The following MEIOSIN variants were observed in gnomAD, a reference collection of about 807,000 sequenced individuals.
MEIOSIN encodes meiosis initiator, also known as meiosis initiator protein.
In MEIOSIN, 18 loss-of-function variants were observed where a neutral mutation model predicts 23.4. The observed-to-expected ratio is 0.77, with a 90% confidence interval of 0.53 to 1.14. The LOEUF (loss-of-function observed/expected upper bound fraction) is 1.14. MEIOSIN is among the 50% of genes most tolerant of loss of function. MEIOSIN has a pLI of 0.00. For synonymous variants in MEIOSIN, 187 were observed against 100.6 expected, an observed-to-expected ratio of 1.86 and a Z score of -5.14; for missense variants, 428 against 242.9, an observed-to-expected ratio of 1.76 and a Z score of -5.07.
chr19:45,759,870 C>T (rs569274842), intron 11 of MEIOSIN, among the ~76,000 whole-genome samples: 2 of 152,150 alleles, frequency 1.3e-5, no homozygotes, highest in African/African-American at 4.8e-5. Context: ...GGTGCGATCT[C>T]GGCTCACTGT....
rs1031633943 is a variant in MEIOSIN at position 45,735,539 on chromosome 19, ACT to A, written c.71+95_71+96del. The A allele has an allele frequency of 1.4e-5, 9 of 628,568 alleles. No homozygotes were observed. In the African/African-American group the frequency reaches 1.6e-4, roughly 11 times the overall value. The allele number at this position is 628,568 out of a possible 1,614,324, so 38.9% of individuals were successfully genotyped here. ...TTGCTGAGCATTTACCGTTTGCTAG[ACT>A]CTTTGCCAAACATTTTGTTTGTATG... is the stretch of plus-strand genomic sequence containing the variant. On this transcript the variant is annotated intron_variant, in intron 2 of 14. Transcript: ENST00000457052.
chr19:45,743,078 G>C (rs941933871), intron 3 of MEIOSIN, among the ~76,000 whole-genome samples: 4 of 152,168 alleles, frequency 2.6e-5, no homozygotes, highest in Non-Finnish European at 5.9e-5. Context: ...CCTGAGAGCG[G>C]AGCCCAGGTT....
intron 3 of MEIOSIN, among the ~76,000 whole-genome samples, chr19:45,744,435 T>C (rs1477392186): frequency 6.6e-6 from 1 of 152,162 alleles, no homozygotes; most frequent in Non-Finnish European, 1.5e-5. Context: ...GGTCCAATGC[T>C]TGGTTTGATG....
intron 2 of MEIOSIN, among the ~76,000 whole-genome samples, chr19:45,737,635 A>T (rs904184425): frequency 9.0e-5 from 12 of 132,836 alleles, no homozygotes; most frequent in South Asian, 4.5e-4. Context: ...CCAACTAATT[A>T]AAAAAAAAAA....
intron 7 of MEIOSIN, 41 bp from the exon 8 acceptor site, chr19:45,755,929 G>T (rs1349148539): frequency 1.4e-6 from 1 of 690,342 alleles, no homozygotes; most frequent in Non-Finnish European, 2.6e-6. Context: ...CCTGGAATTT[G>T]GTCCAGTCCC....
chr19:45,755,505 G>T (rs1968807020), intron 7 of MEIOSIN, among the ~76,000 whole-genome samples: 1 of 152,104 alleles, frequency 6.6e-6, no homozygotes, highest in Admixed American at 6.6e-5. Flanking sequence ...CCATGCTGGA[G>T]TGCAGTGGTG....
chr19:45,747,351 T>TG (rs1438877903), intron 4 of MEIOSIN, among the ~76,000 whole-genome samples: 1 of 152,138 alleles, frequency 6.6e-6, no homozygotes, highest in African/African-American at 2.4e-5. Flanking sequence ...AGACTTGGGG[T>TG]GCAGCTTTGA....
chr19:45,749,326 G>A (rs2146186593), intron 4 of MEIOSIN, among the ~76,000 whole-genome samples: 1 of 145,210 alleles, frequency 6.9e-6, no homozygotes, highest in East Asian at 2.0e-4. Context: ...GAGCTGAGAT[G>A]GTACCACTAA....
At chr19:45,744,843 T>G (rs190214958) in intron 3 of MEIOSIN, among the ~76,000 whole-genome samples, 6 of 152,282 alleles carry the variant, frequency 3.9e-5, no homozygotes, top group Admixed American at 3.3e-4. Context: ...GAGAGTGACG[T>G]GGTCAGATTT....
intron 4 of MEIOSIN, among the ~76,000 whole-genome samples, chr19:45,746,549 G>A (rs553976505): frequency 7.9e-4 from 121 of 152,218 alleles, no homozygotes; most frequent in African/African-American, 2.9e-3. Flanking sequence ...GCCATCTCAA[G>A]ATCCTTAACA....
intron 3 of MEIOSIN, among the ~76,000 whole-genome samples, chr19:45,744,049 CTTT>C (rs373791690): frequency 1.4e-5 from 2 of 144,234 alleles, no homozygotes; most frequent in Non-Finnish European, 1.5e-5. Context: ...CTTATTTTTA[CTTT>C]TTTTTTTTTT....
At chr19:45,741,387 A>G (rs1162532416) in intron 3 of MEIOSIN, among the ~76,000 whole-genome samples, 2 of 152,082 alleles carry the variant, frequency 1.3e-5, no homozygotes, top group Non-Finnish European at 2.9e-5. Context: ...GTGGTTTATG[A>G]TAGTATTGAT....
intron 7 of MEIOSIN, among the ~76,000 whole-genome samples, chr19:45,755,045 G>A (rs1968794716): frequency 6.6e-6 from 1 of 152,182 alleles, no homozygotes; most frequent in Non-Finnish European, 1.5e-5. Flanking sequence ...GAAAACGTGT[G>A]GTGATGCTTT....
rs1280180655 is a variant in MEIOSIN at position 45,761,837 on chromosome 19, C to T, written c.1404C>T (p.Ser468=). Residue 468 remains serine, a synonymous_variant, in exon 12 of 15, where the codon AGC becomes AGT. Coordinates refer to ENST00000457052, the MANE Select transcript of MEIOSIN (RefSeq NM_001310124.2). ...GCTCCAGCTCCAGCTCGGAGGACAG[C>T]GACTCGGAGCCCCTGTGGAAGCAGC... The part of the protein sequence containing the change: ...SSSSSSSSED[S]DSEPLWKQRE... 3 of 594,250 alleles carry T rather than the reference C, an allele frequency of 5.0e-6. No individual in the cohort carries two copies. The highest frequency in any genetic ancestry group is 1.9e-5 in the African/African-American group (1 of 53,314). The allele number at this position is 594,250 out of a possible 1,614,324, so 36.8% of individuals were successfully genotyped here. A position where few individuals can be genotyped will look rare whatever the true frequency, so the allele number is the denominator to read the frequency against.
chr19:45,746,352 C>T (rs978605507), intron 4 of MEIOSIN, among the ~76,000 whole-genome samples: 1 of 152,150 alleles, frequency 6.6e-6, no homozygotes, highest in African/African-American at 2.4e-5. Flanking sequence ...TTTTTGCCAA[C>T]TTCTGGGGGC....
chr19:45,747,703 G>A (rs1413276981), intron 4 of MEIOSIN, among the ~76,000 whole-genome samples: 1 of 152,162 alleles, frequency 6.6e-6, no homozygotes, highest in Non-Finnish European at 1.5e-5. Context: ...GTATGGCTAT[G>A]CTCATTCTTT....
rs1039572798 is a variant in MEIOSIN at position 45,754,577 on chromosome 19, G to C, written c.655G>C (p.Gly219Arg). The C allele has an allele frequency of 8.5e-6, 6 of 702,946 alleles. No homozygotes were observed. Among genetic ancestry groups the C allele is most frequent in the Non-Finnish European group, 1.6e-5 (6 of 385,028 alleles). The allele number at this position is 702,946 out of a possible 1,614,324, so 43.5% of individuals were successfully genotyped here. ...CCCAGACCAGAAAGGAAGTGGCACA[G>C]GGGGGACCACTACCCCTCCAAGGTG... is the stretch of plus-strand genomic sequence containing the variant. ...PSPDQKGSGT[G>R]GTTTPPRCPD... is the part of the protein sequence containing the mutation. Residue 219 changes from glycine to arginine, a missense_variant, in exon 7 of 15, where the codon GGG becomes CGG. Gly to Arg is a moderately radical substitution (Grantham distance 125). Coordinates refer to ENST00000457052, the MANE Select transcript of MEIOSIN (RefSeq NM_001310124.2).
In MEIOSIN at chr19:45,759,590, G is replaced by A. The variant is rs932938254; in HGVS notation, c.1245+100G>A. On this transcript the variant is annotated intron_variant, in intron 11 of 14. Coordinates refer to ENST00000457052, the MANE Select transcript of MEIOSIN (RefSeq NM_001310124.2). ...ACTCATCCACTCCCTCACCCTTTCA[G>A]CCACCATCTACCCATCTGTCCTTCC... 4.5e-5 allele frequency: 30 copies of A among 668,322 alleles called. 1 individual carries two copies. In the Middle Eastern group the frequency reaches 7.1e-4, roughly 16 times the overall value. 41.4% of individuals were successfully genotyped at this position (668,322 alleles called of 1,614,324 possible).
chr19:45,747,421 T>C (rs1326845279), intron 4 of MEIOSIN, among the ~76,000 whole-genome samples: 1 of 152,188 alleles, frequency 6.6e-6, no homozygotes, highest in African/African-American at 2.4e-5. Flanking sequence ...CGTCTGATCA[T>C]GTAGGTTCTC....
Sources: allele counts gnomAD v4.1 joint callset (sites outside exome capture counted in the v4.1 genomes callset), GRCh38; gene constraint gnomAD v4.1.1; transcripts MANE v1.5; gene names NCBI Gene and HGNC (gene_info 2026-07-23, HGNC 2026-07-21).